The following TF variants were observed in gnomAD, a reference collection of about 807,000 sequenced individuals.
TF encodes the protein transferrin.
A neutral mutation model predicts 82.4 loss-of-function variants in TF; 55 were observed. The observed-to-expected ratio is 0.67, with a 90% CI of 0.54 to 0.84. The LOEUF (loss-of-function observed/expected upper bound fraction) is 0.84, where lower values mean the gene tolerates loss of function less well. TF is among the 40% of genes least tolerant of loss of function. The pLI, the probability that TF is intolerant of heterozygous loss-of-function variation, is 0.00. For synonymous variants in TF, 332 were observed against 332.6 expected (o/e 1.00, Z 0.02); for missense variants, 737 against 868.4 (o/e 0.85, Z 1.90).
chr3:133,759,887 G>T (rs1283687844), intron 9 of TF, among the ~76,000 whole-genome samples: 1 of 151,974 alleles, frequency 6.6e-6, no homozygotes, highest in Non-Finnish European at 1.5e-5. Flanking sequence ...AATCCTGAAT[G>T]ATATAAAGAA....
At chr3:133,731,346 C>G in the TF span, among the ~76,000 whole-genome samples, 1 of 152,330 alleles carries the variant, frequency 6.6e-6, no homozygotes, top group South Asian at 2.1e-4. Context: ...TAACACTTTT[C>G]AAGAAAGTGT....
At chr3:133,744,356 A>T (rs1231174795), upstream of TF, among the ~76,000 whole-genome samples, 1 of 152,168 alleles carries the variant, frequency 6.6e-6, no homozygotes, top group Admixed American at 6.5e-5. Flanking sequence ...ACCTTTCGTA[A>T]CTGCACTTCC....
At chr3:133,720,714 C>G in the TF span, among the ~76,000 whole-genome samples, 2 of 152,026 alleles carry the variant, frequency 1.3e-5, no homozygotes, top group Non-Finnish European at 2.9e-5. Flanking sequence ...AGCAGTGAAG[C>G]CATTGGGTCC....
At chr3:133,770,793 C>T in intron 14 of TF, 1 of 605,714 alleles carries the variant, frequency 1.7e-6, no homozygotes, top group South Asian at 1.9e-5. Flanking sequence ...CCCCAACACA[C>T]ACTCCCACAG....
intron 14 of TF, 137 bp downstream of exon 14, chr3:133,770,709 C>T (rs1934238905): frequency 1.9e-6 from 2 of 1,045,638 alleles, no homozygotes; most frequent in Non-Finnish European, 3.0e-6. Context: ...TCTGTCTGCT[C>T]AGTGAAGAGA....
At chr3:133,778,407 T>C (rs1174930133) in intron 16 of TF, 179 bp from the exon 17 acceptor site, 8 of 591,498 alleles carry the variant, frequency 1.4e-5, no homozygotes, top group Admixed American at 4.6e-5. Flanking sequence ...CTCCCCAGGA[T>C]AGGCACAGGA....
upstream of TF, among the ~76,000 whole-genome samples, chr3:133,742,188 C>T (rs1442348210): frequency 6.6e-6 from 1 of 152,120 alleles, no homozygotes; most frequent in Admixed American, 6.5e-5. Context: ...CACTATATTG[C>T]CCAGGCTGGT....
the TF span, among the ~76,000 whole-genome samples, chr3:133,669,602 C>T: frequency 2.0e-5 from 3 of 152,220 alleles, no homozygotes; most frequent in Non-Finnish European, 2.9e-5. Context: ...ACCTTCCACG[C>T]TCTTCCTTAT....
intron 13 of TF, among the ~76,000 whole-genome samples, chr3:133,769,144 G>T (rs1277402703): frequency 6.6e-6 from 1 of 152,054 alleles, no homozygotes; most frequent in East Asian, 1.9e-4. Flanking sequence ...CTGTTATTTG[G>T]TGGTTCATGA....
the TF span, among the ~76,000 whole-genome samples, chr3:133,722,640 G>A: frequency 6.6e-6 from 1 of 152,092 alleles, no homozygotes; most frequent in Non-Finnish European, 1.5e-5. Flanking sequence ...TAAGCTGATA[G>A]CAACTTAACT....
chr3:133,748,610 G>C (rs368528077), intron 2 of TF, 26 bp downstream of exon 2: 3 of 1,613,350 alleles, frequency 1.9e-6, no homozygotes, highest in Non-Finnish European at 2.5e-6. Context: ...CTAAAAGAGA[G>C]TGGAAGAAAG....
chr3:133,751,905 A>C (rs1933681897), intron 2 of TF, among the ~76,000 whole-genome samples: 1 of 151,936 alleles, frequency 6.6e-6, no homozygotes, highest in South Asian at 2.1e-4. Context: ...GAGGCAGGAG[A>C]ATCGTTTGAA....
the TF span, among the ~76,000 whole-genome samples, chr3:133,724,558 C>T: frequency 6.6e-6 from 1 of 152,162 alleles, no homozygotes; most frequent in Non-Finnish European, 1.5e-5. Context: ...GATATTAGCC[C>T]TTTGTCAGAT....
chr3:133,686,381 C>T, the TF span, among the ~76,000 whole-genome samples: 1 of 152,120 alleles, frequency 6.6e-6, no homozygotes, highest in African/African-American at 2.4e-5. Flanking sequence ...TTCTGCACAG[C>T]AAAAGAAACT....
At chr3:133,736,052 A>G in the TF span, among the ~76,000 whole-genome samples, 1 of 152,220 alleles carries the variant, frequency 6.6e-6, no homozygotes, top group African/African-American at 2.4e-5. Flanking sequence ...GGGCAGCCAG[A>G]GAGAAAGGTT....
chr3:133,714,758 A>C, the TF span, among the ~76,000 whole-genome samples: 1 of 151,882 alleles, frequency 6.6e-6, no homozygotes. Flanking sequence ...TCTCGGCTCA[A>C]TGAAACCTCC....
the TF span, among the ~76,000 whole-genome samples, chr3:133,739,508 T>A: frequency 6.6e-6 from 1 of 152,052 alleles, no homozygotes; most frequent in Non-Finnish European, 1.5e-5. Flanking sequence ...CAAAAGAAGC[T>A]ATCATCAGAG....
chr3:133,686,251 G>A, the TF span, among the ~76,000 whole-genome samples: 1 of 152,142 alleles, frequency 6.6e-6, no homozygotes, highest in Non-Finnish European at 1.5e-5. Context: ...AACCCTAGAA[G>A]AAAACCTAGG....
chr3:133,698,384 C>T, the TF span, among the ~76,000 whole-genome samples: 38 of 152,282 alleles, frequency 2.5e-4, 1 homozygote, highest in Middle Eastern at 3.4e-3. Context: ...AGCAAAGTAC[C>T]ATGAACTGGG....
Sources: gnomAD v4.1 joint callset for allele counts (sites outside exome capture counted in the v4.1 genomes callset) on GRCh38, gnomAD v4.1.1 for gene constraint, MANE v1.5 for transcripts, NCBI Gene and HGNC (gene_info 2026-07-23, HGNC 2026-07-21) for gene names.